Variants in GPATCH1 observed in about 807,000 individuals in gnomAD.
The protein encoded by GPATCH1 is G patch domain-containing protein 1.
In GPATCH1, 73 loss-of-function variants were observed where a neutral mutation model predicts 114.9. The ratio of observed to expected loss-of-function variants is 0.64; its 90% confidence interval spans 0.53 to 0.77. The LOEUF (loss-of-function observed/expected upper bound fraction) is 0.77. Ranked by LOEUF, GPATCH1 falls within the 30% of genes least tolerant of loss-of-function variation. GPATCH1 has a pLI of 0.00. For missense variants in GPATCH1, 1,058 were observed against 1,144.3 expected, an observed-to-expected ratio of 0.92 and a Z score of 1.09; for synonymous variants, 391 against 428.4, an observed-to-expected ratio of 0.91 and a Z score of 1.08.
Position 33,093,488 on chromosome 19 carries a change from AC to A in GPATCH1, c.427del (p.Leu143SerfsTer6). ...AAATAPIPGA[T>X]LLDDLITPAK... ...TGCTACTGCCCCTATTCCTGGAGCCACCCTCCTTGATGACCTCATAACGCCA... is the reference window on the plus strand; with the variant it reads ...TGCTACTGCCCCTATTCCTGGAGCCACCTCCTTGATGACCTCATAACGCCA... On this transcript the variant is annotated frameshift_variant, in exon 4 of 20. Transcript: ENST00000170564. LOFTEE classifies it high-confidence loss of function. The A allele has an allele frequency of 6.2e-7, 1 of 1,613,860 alleles. No individual in the cohort carries two copies. Among genetic ancestry groups the A allele is most frequent in the Non-Finnish European group, 8.5e-7 (1 of 1,179,904 alleles).
rs931806764 is a variant in GPATCH1, at chr19:33,108,426, C to T, written c.1286-1291C>T. On this transcript the variant is annotated intron_variant, in intron 10 of 19. Coordinates refer to ENST00000170564, the MANE Select transcript of GPATCH1 (RefSeq NM_018025.3). ...CCTCCTTTCCTCCCCTGGAACACGCCGTCATCCATGACACTGCCTAAGGGC... is the reference window on the plus strand; with the variant it reads ...CCTCCTTTCCTCCCCTGGAACACGCTGTCATCCATGACACTGCCTAAGGGC... Among the ~76,000 whole-genome samples the T allele has an allele frequency of 3.9e-5, 6 of 152,272 alleles. No individual in the cohort carries two copies. In the South Asian group the frequency reaches 8.3e-4, roughly 21 times the overall value.
rs1469020667 is a variant in GPATCH1 at position 33,109,727 on chromosome 19, T to G, written c.1296T>G (p.Thr432=). ...LGETPIQGSA[T]SVLEFLSQKD... The stretch of plus-strand genomic sequence containing the variant: ...ACTGTTTTTATTTAGGTTCAGCTAC[T>G]TCAGTGTTAGAATTTCTGTCCCAAA... Residue 432 remains threonine (T), a synonymous_variant, in exon 11 of 20, where the codon ACT becomes ACG. Transcript: ENST00000170564. The G allele has an allele frequency of 6.4e-7, 1 of 1,567,760 alleles. No homozygotes were observed. The highest frequency in any genetic ancestry group is 8.7e-7 in the Non-Finnish European group (1 of 1,155,462).
At chr19:33,089,287 G>A (rs553002223) in intron 2 of GPATCH1, among the ~76,000 whole-genome samples, 9 of 152,286 alleles carry the variant, frequency 5.9e-5, no homozygotes, top group East Asian at 3.9e-4. Context: ...CCAGCATGGC[G>A]TTAGTGCTGA....
intron 3 of GPATCH1, 116 bp downstream of exon 3, chr19:33,090,981 G>C: frequency 1.5e-6 from 1 of 672,468 alleles, no homozygotes. Flanking sequence ...TTGTTTGTAA[G>C]GCTTTATCTT....
chr19:33,123,585 C>T lies in GPATCH1; in HGVS notation c.2522-1520C>T, dbSNP rs2145340224. Among the ~76,000 whole-genome samples, 2 of 151,520 alleles carry T rather than the reference C, an allele frequency of 1.3e-5. 1 individual carries two copies. Among genetic ancestry groups the T allele is most frequent in the Non-Finnish European group, 2.9e-5 (2 of 67,848 alleles). On this transcript the variant is annotated intron_variant, in intron 17 of 19. Transcript: ENST00000170564. ...GGCAACATAGGGAGACTCTCACTTC[C>T]ACAAAAAAATTAAAAAATTAGCCGG... is the stretch of plus-strand genomic sequence containing the variant.
At chr19:33,104,935 T>C (rs1251243954) in intron 9 of GPATCH1, among the ~76,000 whole-genome samples, 1 of 152,202 alleles carries the variant, frequency 6.6e-6, no homozygotes, top group African/African-American at 2.4e-5. Flanking sequence ...TATTTAACAA[T>C]ATTTAGTACT....
In GPATCH1 at chr19:33,105,097, G is replaced by T. The variant is rs562655560; in HGVS notation, c.1081-1598G>T. The stretch of plus-strand genomic sequence containing the variant: ...ACTCCCCTCCTAGCTCCTGGGCCAG[G>T]TCCTCTTGGCTCTACTCACATTATT... On this transcript the variant is annotated intron_variant, in intron 9 of 19. Transcript: ENST00000170564. 6.6e-5 allele frequency among the ~76,000 whole-genome samples: 10 copies of T among 152,092 alleles called. No individual in the cohort carries two copies. In the South Asian group the frequency reaches 2.1e-3, roughly 32 times the overall value.
intron 17 of GPATCH1, 65 bp downstream of exon 17, chr19:33,119,182 G>A: frequency 1.2e-6 from 1 of 831,428 alleles, no homozygotes; most frequent in Non-Finnish European, 1.9e-6. Context: ...GATGGGGACA[G>A]TGTGACTTAG....
chr19:33,118,175 AATTT>A, intron 16 of GPATCH1, 134 bp downstream of exon 16: 1 of 420,486 alleles, frequency 2.4e-6, no homozygotes, highest in African/African-American at 2.8e-5. Context: ...ATATGTATAT[AATTT>A]TTTTTTTTTT....
At chr19:33,106,107 C>T (rs532833740) in intron 9 of GPATCH1, among the ~76,000 whole-genome samples, 8 of 152,172 alleles carry the variant, frequency 5.3e-5, no homozygotes, top group Non-Finnish European at 1.2e-4. Context: ...CCTTGGTCTC[C>T]CAACATGCTG....
Position 33,112,613 on chromosome 19 carries a change from A to T in GPATCH1, c.1892A>T (p.Asp631Val), listed in dbSNP as rs773677052. The change falls in exon 13 of 20, where the codon GAT becomes GTT. Residue 631 changes from aspartate to valine, a missense_variant and splice_region_variant. Physicochemically the swap from Asp to Val is radical, Grantham distance 152. Transcript: ENST00000170564. ...KRFNVPDPYP[D>V]STLVGLPRVK... ...TTTAATGTCCCTGACCCTTATCCAG[A>T]GTAAGTTGGATAAACCTTTACATCA... The T allele has an allele frequency of 6.2e-7, 1 of 1,612,534 alleles. No individual in the cohort carries two copies. The highest frequency in any genetic ancestry group is 8.5e-7 in the Non-Finnish European group (1 of 1,178,746).
At chr19:33,100,782 T>C (rs1972717257) in intron 8 of GPATCH1, among the ~76,000 whole-genome samples, 1 of 144,258 alleles carries the variant, frequency 6.9e-6, no homozygotes, top group Middle Eastern at 3.5e-3. Flanking sequence ...AGAAGGGGCT[T>C]TTTTTTTTTT....
chr19:33,106,689 G>T lies in GPATCH1; in HGVS notation c.1081-6G>T. The T allele has an allele frequency of 6.2e-7, 1 of 1,610,336 alleles. No individual in the cohort carries two copies. Among genetic ancestry groups the T allele is most frequent in the South Asian group, 1.1e-5 (1 of 91,006 alleles). ...TATTTTCTGGGTTTTGTCTTGGTTT[G>T]TTAAGATCTATCCACCTCCAGAGCT... On this transcript the variant is annotated splice_region_variant and splice_polypyrimidine_tract_variant and intron_variant, in intron 9 of 19. Coordinates refer to ENST00000170564, the MANE Select transcript of GPATCH1 (RefSeq NM_018025.3).
rs143606472 is a variant in GPATCH1, at chr19:33,095,785, T to C, written c.577T>C (p.Cys193Arg). Residue 193 changes from cysteine (C) to arginine (R), a missense_variant, in exon 6 of 20, where the codon TGT becomes CGT. This residue lies in a region of GPATCH1 where 893 missense variants were observed against 977.4 expected (regional missense o/e 0.91). Coordinates refer to ENST00000170564, the MANE Select transcript of GPATCH1 (RefSeq NM_018025.3). ...AGATCCTGGAGTCAAAATCTATGGC[T>C]GTGCATTACCCCCTGGAAGCTCGGA... ...KPDPGVKIYG[C>R]ALPPGSSEGS... 66 of 1,611,768 alleles carry C rather than the reference T, an allele frequency of 4.1e-5. No homozygotes were observed. In the African/African-American group the frequency reaches 8.0e-4, roughly 20 times the overall value.
chr19:33,105,665 A>G (rs539085496), intron 9 of GPATCH1, among the ~76,000 whole-genome samples: 3 of 151,184 alleles, frequency 2.0e-5, no homozygotes, highest in Admixed American at 1.3e-4. Context: ...CTGGGATTAC[A>G]GGCATCCACC....
At chr19:33,096,510 C>T (rs1972661684) in intron 7 of GPATCH1, 64 bp downstream of exon 7, 1 of 1,367,538 alleles carries the variant, frequency 7.3e-7, no homozygotes. Flanking sequence ...TTCTTTCTTT[C>T]TTCTTTTTAG....
chr19:33,082,843 T>C (rs1338865661), intron 1 of GPATCH1, among the ~76,000 whole-genome samples: 2 of 152,122 alleles, frequency 1.3e-5, no homozygotes, highest in Non-Finnish European at 2.9e-5. Flanking sequence ...GTGTTGACCA[T>C]GCTGGTTTCA....
In GPATCH1 at chr19:33,093,496, T is replaced by TGATGA. The variant is rs1972620626; in HGVS notation, c.433_437dup (p.Asp146GlufsTer5). On this transcript the variant is annotated frameshift_variant, in exon 4 of 20. Transcript: ENST00000170564. LOFTEE classifies it high-confidence loss of function. ...CCCCTATTCCTGGAGCCACCCTCCTTGATGACCTCATAACGCCAGCAAAGT... is the reference window on the plus strand; with the variant it reads ...CCCCTATTCCTGGAGCCACCCTCCTTGATGAGATGACCTCATAACGCCAGCAAAGT... The TGATGA allele has an allele frequency of 1.2e-6, 2 of 1,613,714 alleles. No individual in the cohort carries two copies. Among genetic ancestry groups the TGATGA allele is most frequent in the East Asian group, 2.2e-5 (1 of 44,890 alleles).
At chr19:33,101,680 G>A in intron 9 of GPATCH1, 106 bp downstream of exon 9, 1 of 647,238 alleles carries the variant, frequency 1.5e-6, no homozygotes, top group Non-Finnish European at 2.7e-6. Flanking sequence ...AGTAAATTCT[G>A]TTTTCAAAAA....
Sources: allele counts gnomAD v4.1 joint callset (sites outside exome capture counted in the v4.1 genomes callset), GRCh38; gene constraint gnomAD v4.1.1; regional missense constraint gnomAD v4.1.1; transcripts MANE v1.5; gene names NCBI Gene and HGNC (gene_info 2026-07-23, HGNC 2026-07-21).